Variants in TNFAIP8L3 observed in about 807,000 individuals in gnomAD.
The protein encoded by TNFAIP8L3 is tumor necrosis factor alpha-induced protein 8-like protein 3.
In TNFAIP8L3, 7 loss-of-function variants were observed where a neutral mutation model predicts 11.8. The observed-to-expected ratio is 0.59, with a 90% confidence interval of 0.34 to 1.11. TNFAIP8L3 has a LOEUF of 1.11. Ranked by LOEUF, TNFAIP8L3 falls within the 50% of genes most tolerant of loss-of-function variation. The pLI, the probability that TNFAIP8L3 is intolerant of heterozygous loss-of-function variation, is 0.03. For missense variants in TNFAIP8L3, 219 were observed against 258.6 expected (o/e 0.85, Z 1.05); for synonymous variants, 98 against 103.8 (o/e 0.94, Z 0.34).
intron 1 of TNFAIP8L3, among the ~76,000 whole-genome samples, chr15:51,063,694 C>CGAGAAAAG (rs1200187236): frequency 6.6e-6 from 1 of 152,090 alleles, no homozygotes; most frequent in Non-Finnish European, 1.5e-5. Context: ...GAGGATATCC[C>CGAGAAAAG]GAGAAAAGTA....
chr15:51,086,921 CT>C (rs2065432484), intron 1 of TNFAIP8L3, among the ~76,000 whole-genome samples: 1 of 150,448 alleles, frequency 6.6e-6, no homozygotes, highest in South Asian at 2.1e-4. Flanking sequence ...GTCAGAGTCT[CT>C]CTTTTGCCCA....
chr15:51,081,978 C>T (rs1262207962), intron 1 of TNFAIP8L3, among the ~76,000 whole-genome samples: 1 of 152,034 alleles, frequency 6.6e-6, no homozygotes, highest in Non-Finnish European at 1.5e-5. Flanking sequence ...GAAAAGATGG[C>T]TCCTTCATAA....
intron 1 of TNFAIP8L3, among the ~76,000 whole-genome samples, chr15:51,074,919 C>T (rs576847370): frequency 1.3e-5 from 2 of 152,304 alleles, no homozygotes; most frequent in East Asian, 3.9e-4. Context: ...CAGTGGTAGC[C>T]CTGTTCCTGT....
chr15:51,097,855 G>T (rs542152695), upstream of TNFAIP8L3, among the ~76,000 whole-genome samples: 13 of 45,898 alleles, frequency 2.8e-4, no homozygotes, highest in South Asian at 5.2e-3. Flanking sequence ...TATTTCTTGT[G>T]GGGGGGGAAA....
chr15:51,083,537 C>T (rs1482412252), intron 1 of TNFAIP8L3, among the ~76,000 whole-genome samples: 1 of 152,226 alleles, frequency 6.6e-6, no homozygotes, highest in African/African-American at 2.4e-5. Context: ...CCCCTGCCAG[C>T]CAGCGAGCAG....
intron 1 of TNFAIP8L3, among the ~76,000 whole-genome samples, chr15:51,081,332 G>C (rs906550254): frequency 1.3e-4 from 20 of 151,444 alleles, no homozygotes; most frequent in Admixed American, 9.8e-4. Flanking sequence ...AGGGCCCATG[G>C]GGGGCCCAGC....
At chr15:51,098,698 T>G (rs1172087257), upstream of TNFAIP8L3, among the ~76,000 whole-genome samples, 1 of 152,268 alleles carries the variant, frequency 6.6e-6, no homozygotes, top group Non-Finnish European at 1.5e-5. Flanking sequence ...AATTCGTAAT[T>G]TTACTAATTG....
chr15:51,075,102 GTGTT>G (rs941528267), intron 1 of TNFAIP8L3, among the ~76,000 whole-genome samples: 6 of 152,320 alleles, frequency 3.9e-5, no homozygotes, highest in African/African-American at 1.4e-4. Flanking sequence ...TGATTTTAGC[GTGTT>G]TGTTCTTGTT....
intron 1 of TNFAIP8L3, chr15:51,104,953 G>T (rs1595625091): frequency 6.2e-7 from 1 of 1,610,250 alleles, no homozygotes. Context: ...CTTTGCACAA[G>T]CCTCCCCGCC....
At chr15:51,071,097 A>G (rs2065306278) in intron 1 of TNFAIP8L3, among the ~76,000 whole-genome samples, 1 of 151,628 alleles carries the variant, frequency 6.6e-6, no homozygotes, top group Admixed American at 6.6e-5. Context: ...AAAAACCACC[A>G]AGTGTTTCAA....
chr15:51,066,132 T>C (rs2065269660), intron 1 of TNFAIP8L3, among the ~76,000 whole-genome samples: 2 of 149,240 alleles, frequency 1.3e-5, no homozygotes, highest in Admixed American at 6.7e-5. Context: ...CGGAGCAGGC[T>C]CACAAACTGC....
Position 51,102,429 on chromosome 15 carries a change from G to A in TNFAIP8L3, c.172+2576C>T, listed in dbSNP as rs117691959. ...CTAATTATTTTACAGAACAAATATCGCTCGCCAAGTGTTGAGTGGAACCTT... is the reference window on the plus strand; with the variant it reads ...CTAATTATTTTACAGAACAAATATCACTCGCCAAGTGTTGAGTGGAACCTT... On this transcript the variant is annotated intron_variant, in intron 1 of 2. Transcript: ENST00000327536. Among the ~76,000 whole-genome samples, 26 of 152,080 alleles carry A rather than the reference G, an allele frequency of 1.7e-4. No homozygotes were observed. In the East Asian group the frequency reaches 4.6e-3, roughly 27 times the overall value.
chr15:51,063,124 T>C (rs1273315303), intron 1 of TNFAIP8L3, among the ~76,000 whole-genome samples: 4 of 152,226 alleles, frequency 2.6e-5, no homozygotes, highest in East Asian at 1.9e-4. Context: ...ATTTTAGCTC[T>C]GTAAAATCCA....
chr15:51,080,447 TCTGTCCCCCAA>T (rs2065382897), intron 1 of TNFAIP8L3, among the ~76,000 whole-genome samples: 1 of 152,212 alleles, frequency 6.6e-6, no homozygotes, highest in Admixed American at 6.5e-5. Context: ...CTGGCAGCCC[TCTGTCCCCCAA>T]CTCAAGTCTG....
At chr15:51,084,832 G>T (rs1271522530) in intron 1 of TNFAIP8L3, among the ~76,000 whole-genome samples, 1 of 152,212 alleles carries the variant, frequency 6.6e-6, no homozygotes, top group South Asian at 2.1e-4. Context: ...AAAGCTTACA[G>T]CTATTGTTAT....
upstream of TNFAIP8L3, among the ~76,000 whole-genome samples, chr15:51,099,375 C>A (rs2065534528): frequency 1.3e-5 from 2 of 152,098 alleles, no homozygotes; most frequent in East Asian, 3.9e-4. Context: ...AGCAGGATAG[C>A]TTTCTTGGTG....
At chr15:51,086,702 G>A (rs2065429767) in intron 1 of TNFAIP8L3, among the ~76,000 whole-genome samples, 1 of 152,136 alleles carries the variant, frequency 6.6e-6, no homozygotes, top group Non-Finnish European at 1.5e-5. Context: ...AGCCCAGAAG[G>A]CTGGTATAAG....
chr15:51,079,950 C>T, intron 1 of TNFAIP8L3, among the ~76,000 whole-genome samples: 1 of 151,792 alleles, frequency 6.6e-6, no homozygotes, highest in African/African-American at 2.4e-5. Context: ...CCCCAGCACA[C>T]CTCTGATGCT....
chr15:51,096,350 A>G (rs1218478095), upstream of TNFAIP8L3, among the ~76,000 whole-genome samples: 1 of 152,196 alleles, frequency 6.6e-6, no homozygotes, highest in Non-Finnish European at 1.5e-5. Flanking sequence ...TATTGATGAA[A>G]TGGTCAAAAG....
Sources: gnomAD v4.1 joint callset for allele counts (sites outside exome capture counted in the v4.1 genomes callset) on GRCh38, gnomAD v4.1.1 for gene constraint, MANE v1.5 for transcripts, NCBI Gene and HGNC (gene_info 2026-07-23, HGNC 2026-07-21) for gene names.